KIAA1958: variants seen among roughly 807,000 people sequenced by gnomAD.
KIAA1958 encodes the protein KIAA1958.
In KIAA1958, 14 loss-of-function variants were observed where a neutral mutation model predicts 47.2. That is an observed-to-expected ratio of 0.30 (90% CI 0.20 to 0.46). The LOEUF is 0.46. Among genes scored for constraint, KIAA1958 ranks in the 20% least tolerant of loss-of-function variants. The pLI, the probability that KIAA1958 is intolerant of heterozygous loss-of-function variation, is 1.00. For missense variants in KIAA1958, 803 were observed against 909.2 expected, an observed-to-expected ratio of 0.88 and a Z score of 1.50; for synonymous variants, 354 against 353.3, an observed-to-expected ratio of 1.00 and a Z score of -0.02.
chr9:112,627,942 T>C (rs996860631), intron 2 of KIAA1958, among the ~76,000 whole-genome samples: 2 of 152,244 alleles, frequency 1.3e-5, no homozygotes, highest in African/African-American at 4.8e-5. Flanking sequence ...GGTGTTTCCA[T>C]CTTGCCTCAG....
At chr9:112,563,695 A>C (rs1243881720) in intron 1 of KIAA1958, among the ~76,000 whole-genome samples, 1 of 151,354 alleles carries the variant, frequency 6.6e-6, no homozygotes, top group Non-Finnish European at 1.5e-5. Context: ...CTTTTGTTCC[A>C]ATTTTTCTGC....
At chr9:112,646,910 A>G (rs767518909) in intron 3 of KIAA1958, among the ~76,000 whole-genome samples, 78 of 152,286 alleles carry the variant, frequency 5.1e-4, no homozygotes, top group Non-Finnish European at 1.6e-4. Flanking sequence ...GAAATGGCCA[A>G]CAAAGAGTTA....
At chr9:112,584,627 T>A (rs1411909046) in intron 2 of KIAA1958, among the ~76,000 whole-genome samples, 1 of 152,256 alleles carries the variant, frequency 6.6e-6, no homozygotes, top group Non-Finnish European at 1.5e-5. Context: ...GGGAAAGTTT[T>A]TTTAAAGTTC....
chr9:112,516,927 G>T (rs1220188870), intron 1 of KIAA1958, among the ~76,000 whole-genome samples: 1 of 152,240 alleles, frequency 6.6e-6, no homozygotes, highest in Non-Finnish European at 1.5e-5. Context: ...ACAGAAGTGT[G>T]AGGTATGGAA....
rs1837357144 is a variant in KIAA1958, at chr9:112,666,796, G to C, written c.*6727G>C. ...GCCTGTCACCTTACTCGGAGTCAGA[G>C]CTCCTGAGCCAGAGAAATACTAGCT... On this transcript the variant is annotated 3_prime_UTR_variant, in exon 4 of 4. Transcript: ENST00000337530. 6.6e-6 allele frequency: 1 copy of C among 152,176 alleles called. No individual in the cohort carries two copies. The allele number at this position is 152,176 out of a possible 1,614,324, so 9.4% of individuals were successfully genotyped here. A position where few individuals can be genotyped will look rare whatever the true frequency, so the allele number is the denominator to read the frequency against.
intron 1 of KIAA1958, among the ~76,000 whole-genome samples, chr9:112,496,218 G>C (rs574400248): frequency 6.6e-6 from 1 of 152,322 alleles, no homozygotes; most frequent in Admixed American, 6.5e-5. Context: ...TTACACAATG[G>C]AATACTGTAG....
Position 112,619,058 on chromosome 9 carries a change from A to G in KIAA1958, c.1172-26592A>G, listed in dbSNP as rs1052559342. On this transcript the variant is annotated intron_variant, in intron 2 of 3. Transcript: ENST00000337530. Reference sequence around the variant, plus strand: ...AAATATATAATATATTTTTCTTTTTACAAATAAGCCAATGGAGATAATTTA... The same window carrying G: ...AAATATATAATATATTTTTCTTTTTGCAAATAAGCCAATGGAGATAATTTA... 1.6e-5 allele frequency: 14 copies of G among 866,510 alleles called. No individual in the cohort carries two copies. In the Admixed American group the frequency reaches 2.5e-4, roughly 15 times the overall value. 53.7% of individuals were successfully genotyped at this position (866,510 alleles called of 1,614,324 possible). A position where few individuals can be genotyped will look rare whatever the true frequency, so the allele number is the denominator to read the frequency against.
intron 1 of KIAA1958, among the ~76,000 whole-genome samples, chr9:112,546,733 T>A (rs1000484360): frequency 1.3e-5 from 2 of 152,096 alleles, no homozygotes; most frequent in Non-Finnish European, 2.9e-5. Context: ...GAATTTTATG[T>A]TTCTCAGAGT....
intron 2 of KIAA1958, among the ~76,000 whole-genome samples, chr9:112,612,950 A>G (rs1836351384): frequency 6.6e-6 from 1 of 152,216 alleles, no homozygotes. Context: ...GATTAAGGCA[A>G]CTGTATACAT....
At chr9:112,547,998 CTTTTTTTTTTTTTTTTTTTT>C (rs372918486) in intron 1 of KIAA1958, among the ~76,000 whole-genome samples, 1 of 94,584 alleles carries the variant, frequency 1.1e-5, no homozygotes, top group Admixed American at 1.2e-4. Context: ...GTCAGAAAAT[CTTTTTTTTTTTTTTTTTTTT>C]TTTTTTTGGA....
intron 2 of KIAA1958, among the ~76,000 whole-genome samples, chr9:112,605,747 C>A (rs1836222372): frequency 6.6e-6 from 1 of 152,128 alleles, no homozygotes; most frequent in Non-Finnish European, 1.5e-5. Flanking sequence ...ATTGCAGGAA[C>A]TTCTCATATG....
chr9:112,593,839 T>TTTTTGTTTTGTTTTGTTTTGTTTTG (rs10627875), intron 2 of KIAA1958, among the ~76,000 whole-genome samples: 1 of 147,840 alleles, frequency 6.8e-6, no homozygotes, highest in South Asian at 2.2e-4. Flanking sequence ...ACTTGTCTGT[T>TTTTTGTTTTGTTTTGTTTTGTTTTG]TTTTGTTTTG....
Position 112,574,776 on chromosome 9 carries a change from G to C in KIAA1958, c.696G>C (p.Gln232His). The C allele has an allele frequency of 6.2e-7, 1 of 1,614,126 alleles. No individual in the cohort carries two copies. Among genetic ancestry groups the C allele is most frequent in the South Asian group, 1.1e-5 (1 of 91,064 alleles). ...GVDGPALSLT[Q>H]MAKPKPQTHA... Reference sequence around the variant, plus strand: ...ATGGACCAGCCCTGTCCTTGACACAGATGGCAAAACCCAAGCCTCAGACTC... The same window carrying C: ...ATGGACCAGCCCTGTCCTTGACACACATGGCAAAACCCAAGCCTCAGACTC... Residue 232 changes from glutamine to histidine, a missense_variant, in exon 2 of 4, where the codon CAG (glutamine) becomes CAC (histidine). Around this residue, in one of 2 missense-constraint regions of KIAA1958, gnomAD observed 761 missense variants for 829.3 expected, o/e 0.92. Coordinates refer to ENST00000337530, the MANE Select transcript of KIAA1958 (RefSeq NM_133465.4).
intron 1 of KIAA1958, among the ~76,000 whole-genome samples, chr9:112,491,257 C>G (rs62567820): frequency 0.13 from 19,153 of 152,248 alleles, 1,713 homozygotes; most frequent in East Asian, 0.2. Flanking sequence ...TGAACCACCA[C>G]GTCCAGCCAT....
rs1833865272 is a variant in KIAA1958 at position 112,487,015 on chromosome 9, C to T, written c.-128C>T. On this transcript the variant is annotated 5_prime_UTR_variant, in exon 1 of 4. Coordinates refer to ENST00000337530, the MANE Select transcript of KIAA1958 (RefSeq NM_133465.4). ...GGCCCTCTGGCCGCTCTCCTCCCGC[C>T]CTCGCGCCCCTTCGGCCCGTCCCGT... 1 of 184,724 alleles carries T rather than the reference C, an allele frequency of 5.4e-6. No homozygotes were observed. The highest frequency in any genetic ancestry group is 1.1e-5 in the Non-Finnish European group (1 of 89,638). 11.4% of individuals were successfully genotyped at this position (184,724 alleles called of 1,614,324 possible).
intron 2 of KIAA1958, among the ~76,000 whole-genome samples, chr9:112,629,959 C>T (rs998977947): frequency 7.2e-5 from 11 of 152,114 alleles, no homozygotes; most frequent in Non-Finnish European, 7.3e-5. Flanking sequence ...TTTGTAGCTA[C>T]AACAAACAAG....
chr9:112,539,362 A>G (rs936410049), intron 1 of KIAA1958, among the ~76,000 whole-genome samples: 3 of 152,274 alleles, frequency 2.0e-5, no homozygotes, highest in African/African-American at 4.8e-5. Context: ...ATTTGGACAT[A>G]AAAAGGATAC....
chr9:112,654,934 G>A (rs1190160291), intron 3 of KIAA1958, among the ~76,000 whole-genome samples: 1 of 152,268 alleles, frequency 6.6e-6, no homozygotes, highest in East Asian at 1.9e-4. Flanking sequence ...ATATGGATGT[G>A]TGTGTATATA....
At position 112,489,163 on chromosome 9, in the gene KIAA1958, C is replaced by T. The variant is rs920612312; in HGVS notation, c.-25+2045C>T. Among the ~76,000 whole-genome samples, 5 of 152,290 alleles carry T rather than the reference C, an allele frequency of 3.3e-5. No homozygotes were observed. The South Asian group carries it at 8.3e-4, about 25-fold the overall frequency. ...GTATTGAAATTTGATCAGGCTTTAT[C>T]GTGAATCCAGGAATGGAGTTCTAGA... is the stretch of plus-strand genomic sequence containing the variant. On this transcript the variant is annotated intron_variant, in intron 1 of 3. Transcript: ENST00000337530.
Sources: gnomAD v4.1 joint callset for allele counts (sites outside exome capture counted in the v4.1 genomes callset) on GRCh38, gnomAD v4.1.1 for gene constraint, gnomAD v4.1.1 regional missense constraint, MANE v1.5 for transcripts, NCBI Gene and HGNC (gene_info 2026-07-23, HGNC 2026-07-21) for gene names.